Variants in SRP68 observed in about 807,000 individuals in gnomAD.
The protein encoded by SRP68 is signal recognition particle subunit SRP68.
Under a neutral mutation model 82.2 loss-of-function variants are expected in SRP68, and 15 were observed. That is an observed-to-expected ratio of 0.18 (90% CI 0.12 to 0.28). SRP68 has a LOEUF of 0.28. Among genes scored for constraint, SRP68 ranks in the 10% least tolerant of loss-of-function variants. The pLI is 1.00. For missense variants in SRP68, 595 were observed against 780.5 expected, an observed-to-expected ratio of 0.76 and a Z score of 2.83; for synonymous variants, 261 against 292.6, an observed-to-expected ratio of 0.89 and a Z score of 1.10.
intron 12 of SRP68, among the ~76,000 whole-genome samples, chr17:76,044,205 C>G (rs1450662765): frequency 1.3e-5 from 2 of 152,156 alleles, no homozygotes; most frequent in Non-Finnish European, 2.9e-5. Context: ...CTGGCTGACT[C>G]TGCAGAGGAG....
chr17:76,039,474 T>A lies in SRP68; in HGVS notation c.*232A>T. 1 of 655,242 alleles carries A rather than the reference T, an allele frequency of 1.5e-6. No individual in the cohort carries two copies. The highest frequency in any genetic ancestry group is 2.8e-6 in the Non-Finnish European group (1 of 358,302). 40.6% of individuals were successfully genotyped at this position (655,242 alleles called of 1,614,324 possible). The stretch of plus-strand genomic sequence containing the variant: ...CAGCAGCGGCCCCTTTCCCAGGAGG[T>A]ACAGGAGACAGGATGACCCTGCACA... On this transcript the variant is annotated 3_prime_UTR_variant, in exon 16 of 16. Transcript: ENST00000307877.
intron 9 of SRP68, 27 bp downstream of exon 9, chr17:76,050,401 G>A (rs2066663128): frequency 1.3e-6 from 2 of 1,565,928 alleles, no homozygotes; most frequent in African/African-American, 1.4e-5. Context: ...CCCAGAGCAA[G>A]AACCAGGGCT....
chr17:76,061,342 T>C (rs1326087585), intron 5 of SRP68, 123 bp from the exon 6 acceptor site: 1 of 946,230 alleles, frequency 1.1e-6, no homozygotes, highest in Non-Finnish European at 1.6e-6. Context: ...ATAACTGGCA[T>C]GTTCTAAGGT....
At chr17:76,058,766 C>T (rs958846447) in intron 7 of SRP68, among the ~76,000 whole-genome samples, 3 of 152,144 alleles carry the variant, frequency 2.0e-5, no homozygotes, top group Non-Finnish European at 2.9e-5. Flanking sequence ...ATCAAGTTTC[C>T]AAACCATTTA....
intron 14 of SRP68, 116 bp from the exon 15 acceptor site, chr17:76,040,590 T>C (rs1266566940): frequency 3.9e-6 from 4 of 1,013,638 alleles, no homozygotes; most frequent in Non-Finnish European, 6.1e-6. Flanking sequence ...AGCCAGCATG[T>C]GGGGAAGCCA....
intron 4 of SRP68, among the ~76,000 whole-genome samples, chr17:76,062,987 GT>G (rs1247539527): frequency 1.3e-5 from 2 of 150,774 alleles, no homozygotes; most frequent in African/African-American, 4.9e-5. Flanking sequence ...AGCCAGGATG[GT>G]CTCGATCTCC....
At chr17:76,051,634 G>GA (rs934335655) in intron 8 of SRP68, among the ~76,000 whole-genome samples, 31 of 150,090 alleles carry the variant, frequency 2.1e-4, no homozygotes, top group African/African-American at 6.8e-4. Flanking sequence ...TCTCCAGTGT[G>GA]AAAAAAAAAA....
chr17:76,057,750 C>T (rs752743245), intron 7 of SRP68, among the ~76,000 whole-genome samples: 7 of 152,114 alleles, frequency 4.6e-5, no homozygotes, highest in Non-Finnish European at 1.0e-4. Context: ...TCTAGGCTCA[C>T]TGCAACCTCT....
rs762070306 is a variant in SRP68 at position 76,061,249 on chromosome 17, T to A, written c.645-30A>T. The A allele has an allele frequency of 3.4e-6, 5 of 1,478,426 alleles. No homozygotes were observed. In the Admixed American group the frequency reaches 8.6e-5, roughly 25 times the overall value. 91.6% of individuals were successfully genotyped at this position (1,478,426 alleles called of 1,614,324 possible). ...GAGAAAAGAAAAGCCAGGTTTTACA[T>A]CAGCCTTATATAAGAAAAACTCATG... On this transcript the variant is annotated intron_variant, in intron 5 of 15. Transcript: ENST00000307877.
chr17:76,068,011 G>A (rs932101577), intron 2 of SRP68, among the ~76,000 whole-genome samples: 5 of 152,078 alleles, frequency 3.3e-5, no homozygotes, highest in Non-Finnish European at 7.3e-5. Context: ...AGAATGAGGG[G>A]CTGGGTGCAG....
At chr17:76,066,403 C>T (rs55784778) in intron 3 of SRP68, among the ~76,000 whole-genome samples, 82,618 of 149,378 alleles carry the variant, frequency 0.55, 25,861 homozygotes, top group African/African-American at 0.86. Context: ...TGAGGTGAGA[C>T]GACACCACTG....
chr17:76,040,153 G>A (rs1371559414), intron 15 of SRP68, among the ~76,000 whole-genome samples: 3 of 152,162 alleles, frequency 2.0e-5, no homozygotes, highest in African/African-American at 7.2e-5. Flanking sequence ...CTAGGACTGG[G>A]GTGCAGGCCT....
intron 8 of SRP68, chr17:76,053,649 A>G: frequency 2.0e-6 from 2 of 985,438 alleles, no homozygotes; most frequent in Non-Finnish European, 2.4e-6. Context: ...GCAATGAAGG[A>G]AAAAGTCGAT....
At chr17:76,055,745 C>G (rs2066708807) in intron 8 of SRP68, among the ~76,000 whole-genome samples, 1 of 146,606 alleles carries the variant, frequency 6.8e-6, no homozygotes, top group South Asian at 2.2e-4. Context: ...CAGAGAGAGA[C>G]TCTGTCTTTA....
intron 1 of SRP68, among the ~76,000 whole-genome samples, chr17:76,070,670 G>A (rs528094117): frequency 5.3e-5 from 8 of 152,008 alleles, no homozygotes; most frequent in South Asian, 2.1e-4. Context: ...GTGAAACCCC[G>A]TCTCTACTAA....
Position 76,061,164 on chromosome 17 carries a change from T to G in SRP68, c.700A>C (p.Asn234His). 1 of 1,614,120 alleles carries G rather than the reference T, an allele frequency of 6.2e-7. No homozygotes were observed. The highest frequency in any genetic ancestry group is 8.5e-7 in the Non-Finnish European group (1 of 1,179,952). ...AFTEEQAVLYNQRVEEISPNI... is the reference protein window; with the variant it reads ...AFTEEQAVLYHQRVEEISPNI... ...GGTGAAATCTCTTCCACACGTTGGT[T>G]ATACAGCACAGCCTGCTCCTCTGTG... is the stretch of plus-strand genomic sequence containing the variant. Residue 234 changes from asparagine (N) to histidine (H), a missense_variant, in exon 6 of 16, where the codon AAC becomes CAC. Around this residue, in one of 2 missense-constraint regions of SRP68, gnomAD observed 495 missense variants for 688.6 expected, o/e 0.72. Transcript: ENST00000307877.
chr17:76,045,404 C>T lies in SRP68; in HGVS notation c.1300-18G>A. On this transcript the variant is annotated intron_variant, in intron 11 of 15. Transcript: ENST00000307877. ...ACCAGATTCTGTACAACAGATGCAA[C>T]AAGAAAATTCATGAAGAGTAGATCT... The T allele has an allele frequency of 6.4e-7, 1 of 1,557,386 alleles. No individual in the cohort carries two copies. The highest frequency in any genetic ancestry group is 8.8e-7 in the Non-Finnish European group (1 of 1,131,354).
At chr17:76,055,810 T>C (rs1223440190) in intron 8 of SRP68, among the ~76,000 whole-genome samples, 137 of 144,034 alleles carry the variant, frequency 9.5e-4, no homozygotes, top group Admixed American at 2.2e-3. Context: ...TTTTCTTCTT[T>C]TTTTTTTTTT....
intron 6 of SRP68, 190 bp from the exon 7 acceptor site, chr17:76,060,580 A>G (rs1476123904): frequency 3.7e-6 from 2 of 545,944 alleles, no homozygotes; most frequent in Admixed American, 3.3e-5. Flanking sequence ...AATACTCCAT[A>G]TGGTATATAA....
Sources: gnomAD v4.1 joint callset for allele counts (sites outside exome capture counted in the v4.1 genomes callset) on GRCh38, gnomAD v4.1.1 for gene constraint, gnomAD v4.1.1 regional missense constraint, MANE v1.5 for transcripts, NCBI Gene and HGNC (gene_info 2026-07-23, HGNC 2026-07-21) for gene names.